The following MICU2 variants were observed in gnomAD, a reference collection of about 807,000 sequenced individuals.
The protein encoded by MICU2 is mitochondrial calcium uptake 2.
Under a neutral mutation model 60.4 loss-of-function variants are expected in MICU2, and 64 were observed. That is an observed-to-expected ratio of 1.06 (90% CI 0.87 to 1.31). The LOEUF is 1.31. Ranked by LOEUF, MICU2 falls within the 50% of genes most tolerant of loss-of-function variation. The pLI is 0.00. For missense variants in MICU2, 569 were observed against 531.0 expected, an observed-to-expected ratio of 1.07 and a Z score of -0.70; for synonymous variants, 201 against 175.0, an observed-to-expected ratio of 1.15 and a Z score of -1.17.
intron 4 of MICU2, among the ~76,000 whole-genome samples, chr13:21,534,939 G>A (rs1273760713): frequency 1.3e-5 from 2 of 152,266 alleles, no homozygotes; most frequent in South Asian, 2.1e-4. Context: ...GGGAGCAGGA[G>A]TATGGTAATT....
At chr13:21,562,495 T>C (rs1887871459) in intron 2 of MICU2, among the ~76,000 whole-genome samples, 1 of 152,250 alleles carries the variant, frequency 6.6e-6, no homozygotes, top group Non-Finnish European at 1.5e-5. Flanking sequence ...CTGAGTATTT[T>C]ACATAACTTA....
rs147742032 is a variant in MICU2 at position 21,507,894 on chromosome 13, G to A, written c.761+2110C>T. On this transcript the variant is annotated intron_variant, in intron 8 of 11. Coordinates refer to ENST00000382374, the MANE Select transcript of MICU2 (RefSeq NM_152726.3). ...CTGGGATACAGACATGAGCCACCGC[G>A]CCCGGCCAGATTTTCTTTTCTTTTT... 3.0e-3 allele frequency among the ~76,000 whole-genome samples: 455 copies of A among 151,656 alleles called. 4 individuals carry two copies. In the South Asian group the frequency reaches 0.039, roughly 13 times the overall value.
At chr13:21,593,571 C>CAAAAAAAACAAAAAA (rs1888630558) in intron 1 of MICU2, among the ~76,000 whole-genome samples, 1 of 63,028 alleles carries the variant, frequency 1.6e-5, no homozygotes, top group Non-Finnish European at 2.7e-5. Flanking sequence ...CAATCCTAAG[C>CAAAAAAAACAAAAAA]AAAAAAAAAA....
chr13:21,534,964 T>TAG (rs1887097740), intron 4 of MICU2, among the ~76,000 whole-genome samples: 1 of 152,266 alleles, frequency 6.6e-6, no homozygotes, highest in South Asian at 2.1e-4. Context: ...ATAAAGGTCA[T>TAG]AGGCAGCACT....
intron 1 of MICU2, among the ~76,000 whole-genome samples, chr13:21,595,475 G>A (rs933699387): frequency 6.6e-6 from 1 of 152,246 alleles, no homozygotes; most frequent in East Asian, 1.9e-4. Flanking sequence ...GGACACACTG[G>A]TGGGTGGCTT....
chr13:21,520,664 T>TG (rs1473659307), intron 6 of MICU2, among the ~76,000 whole-genome samples: 2 of 151,310 alleles, frequency 1.3e-5, no homozygotes, highest in African/African-American at 2.4e-5. Flanking sequence ...TTTTTTGTTT[T>TG]TTTTTTTTAA....
At chr13:21,496,400 T>C in intron 9 of MICU2, 1 of 431,788 alleles carries the variant, frequency 2.3e-6, no homozygotes, top group Non-Finnish European at 4.1e-6. Context: ...GCCCTGCTGG[T>C]GCCTTGATCT....
rs373030879 is a variant in MICU2, at chr13:21,542,904, CT to C, written c.359-3217del. Among the ~76,000 whole-genome samples the C allele has an allele frequency of 1.2e-4, 18 of 152,254 alleles. 1 individual carries two copies. The highest frequency in any genetic ancestry group is 4.1e-4 in the African/African-American group (17 of 41,572). ...TCTTATAGATCCAATAAATCTGCCC[CT>C]GGCCAAAATAAAGTTATTTGATAAT... On this transcript the variant is annotated intron_variant, in intron 2 of 11. Transcript: ENST00000382374.
chr13:21,523,374 A>G (rs1223719838), intron 4 of MICU2, among the ~76,000 whole-genome samples: 3 of 152,384 alleles, frequency 2.0e-5, no homozygotes, highest in South Asian at 2.1e-4. Context: ...TTTTATTTAC[A>G]TGGCACTTTA....
Position 21,566,917 on chromosome 13 carries a change from T to C in MICU2, c.238A>G (p.Ile80Val), listed in dbSNP as rs144126023. Residue 80 changes from isoleucine (I) to valine (V), a missense_variant, in exon 2 of 12, where the codon ATT (isoleucine) becomes GTT (valine). Transcript: ENST00000382374. ...TGCTTACGAAGAGACGGTTTCCCAA[T>C]ATATATTATTCCATGTTCAACATTT... ...QKNVEHGIIYIGKPSLRKQRF... is the reference protein window; with the variant it reads ...QKNVEHGIIYVGKPSLRKQRF... 6.0e-5 allele frequency: 96 copies of C among 1,604,124 alleles called. No individual in the cohort carries two copies. Among genetic ancestry groups the C allele is most frequent in the African/African-American group, 4.6e-4 (34 of 74,150 alleles).
intron 3 of MICU2, 132 bp from the exon 4 acceptor site, chr13:21,539,509 G>A (rs546322071): frequency 1.5e-5 from 20 of 1,303,256 alleles, no homozygotes; most frequent in South Asian, 1.2e-4. Context: ...CACTGTGTTA[G>A]CCAGGATGGT....
rs763297380 is a variant in MICU2 at position 21,521,339 on chromosome 13, TGA to T, written c.515-14_515-13del. 1 of 1,594,002 alleles carries T rather than the reference TGA, an allele frequency of 6.3e-7. No individual in the cohort carries two copies. Among genetic ancestry groups the T allele is most frequent in the African/African-American group, 1.4e-5 (1 of 73,690 alleles). ...TCCAGAATGGGGTTCTGCAGTGAAG[TGA>T]AAAATGAATATTTAAATGTTGATGA... On this transcript the variant is annotated splice_polypyrimidine_tract_variant and intron_variant, in intron 5 of 11. Transcript: ENST00000382374.
chr13:21,586,812 A>G (rs1377346223), intron 1 of MICU2, among the ~76,000 whole-genome samples: 1 of 152,176 alleles, frequency 6.6e-6, no homozygotes, highest in Non-Finnish European at 1.5e-5. Flanking sequence ...GCATTTTTCT[A>G]AGTCACTAAA....
At chr13:21,500,171 G>A (rs938873396) in intron 9 of MICU2, among the ~76,000 whole-genome samples, 17 of 152,164 alleles carry the variant, frequency 1.1e-4, no homozygotes, top group Non-Finnish European at 2.9e-5. Context: ...GGGCTTGGGA[G>A]GCAAGGGGGA....
rs10557584 is a variant in MICU2, at chr13:21,575,729, C to CAAA, written c.211-8788_211-8786dup. Among the ~76,000 whole-genome samples the CAAA allele has an allele frequency of 8.1e-4, 39 of 48,052 alleles. 5 individuals carry two copies. The highest frequency in any genetic ancestry group is 1.4e-3 in the African/African-American group (15 of 10,990). The allele number at this position is 48,052 out of a possible 152,430, so 31.5% of individuals were successfully genotyped here. A position where few individuals can be genotyped will look rare whatever the true frequency, so the allele number is the denominator to read the frequency against. ...TGAGCGACAGAGTGAGACTCTGTCTCAAAAAAAAAAAAAAAAAAAAAAAAA... is the reference window on the plus strand; with the variant it reads ...TGAGCGACAGAGTGAGACTCTGTCTCAAAAAAAAAAAAAAAAAAAAAAAAAAAA... On this transcript the variant is annotated intron_variant, in intron 1 of 11. Coordinates refer to ENST00000382374, the MANE Select transcript of MICU2 (RefSeq NM_152726.3).
At chr13:21,579,580 G>A (rs1022810227) in intron 1 of MICU2, among the ~76,000 whole-genome samples, 13 of 152,060 alleles carry the variant, frequency 8.5e-5, no homozygotes, top group African/African-American at 2.4e-4. Context: ...GACCTCAGGC[G>A]ATCCACCCAC....
chr13:21,585,179 A>G (rs1300320785), intron 1 of MICU2, among the ~76,000 whole-genome samples: 1 of 152,218 alleles, frequency 6.6e-6, no homozygotes, highest in Non-Finnish European at 1.5e-5. Flanking sequence ...TAACTTTGTC[A>G]TCTCTCTTTT....
chr13:21,536,409 C>A (rs967706175), intron 4 of MICU2, among the ~76,000 whole-genome samples: 1 of 151,896 alleles, frequency 6.6e-6, no homozygotes, highest in Admixed American at 6.6e-5. Flanking sequence ...GCAATTGCAA[C>A]CTCAACCTCT....
Position 21,493,086 on chromosome 13 carries a change from C to T in MICU2, c.*163G>A. On this transcript the variant is annotated 3_prime_UTR_variant, in exon 12 of 12. Transcript: ENST00000382374. ...ATTTTTATACTTACTTTTCTTTCTA[C>T]TAAGTTCTTTAATAAAATTATGAAT... 1 of 470,220 alleles carries T rather than the reference C, an allele frequency of 2.1e-6. No individual in the cohort carries two copies. Among genetic ancestry groups the T allele is most frequent in the South Asian group, 3.6e-5 (1 of 28,090 alleles). 29.1% of individuals were successfully genotyped at this position (470,220 alleles called of 1,614,324 possible).
Sources: allele counts gnomAD v4.1 joint callset (sites outside exome capture counted in the v4.1 genomes callset), GRCh38; gene constraint gnomAD v4.1.1; transcripts MANE v1.5; gene names NCBI Gene and HGNC (gene_info 2026-07-23, HGNC 2026-07-21).